Variants in CLDN12 observed in about 807,000 individuals in gnomAD.
CLDN12 encodes claudin 12.
A neutral mutation model predicts 15.5 loss-of-function variants in CLDN12; 9 were observed. The observed-to-expected ratio is 0.58, with a 90% CI of 0.35 to 1.02. The LOEUF is 1.02. CLDN12 is among the 50% of genes least tolerant of loss of function. The pLI is 0.02. For missense variants in CLDN12, 233 were observed against 297.3 expected (o/e 0.78, Z 1.59); for synonymous variants, 140 against 121.6 (o/e 1.15, Z -1.00).
At chr7:90,408,150 G>C (rs187089119) in intron 2 of CLDN12, among the ~76,000 whole-genome samples, 4 of 152,152 alleles carry the variant, frequency 2.6e-5, no homozygotes, top group African/African-American at 9.7e-5. Context: ...AATCCTAATC[G>C]GGAAGTCAGC....
At chr7:90,409,804 G>A (rs1796921012) in intron 2 of CLDN12, among the ~76,000 whole-genome samples, 2 of 152,110 alleles carry the variant, frequency 1.3e-5, no homozygotes, top group South Asian at 2.1e-4. Context: ...GTTTACATAA[G>A]ACAGCCGTTT....
rs761164855 is a variant in CLDN12, at chr7:90,412,698, G to A, written c.22G>A (p.Ala8Thr). Residue 8 changes from alanine to threonine, a missense_variant, in exon 4 of 4, where the codon GCA becomes ACA. Transcript: ENST00000496677. ...TGCCATGGGCTGTCGGGATGTCCAC[G>A]CAGCCACAGTCCTTTCCTTCCTGTG... The part of the protein sequence containing the change: MGCRDVH[A>T]ATVLSFLCGI... 52 of 1,613,436 alleles carry A rather than the reference G, an allele frequency of 3.2e-5. No individual in the cohort carries two copies. The highest frequency in any genetic ancestry group is 4.2e-5 in the Non-Finnish European group (49 of 1,179,644).
chr7:90,413,394 G>A lies in CLDN12; in HGVS notation c.718G>A (p.Val240Ile). The change falls in exon 4 of 4, where the codon GTT (valine) becomes ATT (isoleucine). Residue 240 changes from valine to isoleucine, a missense_variant. Val to Ile is a conservative substitution (Grantham distance 29). Coordinates refer to ENST00000496677, the MANE Select transcript of CLDN12 (RefSeq NM_001185072.3). The stretch of plus-strand genomic sequence containing the variant: ...TGCCATTGAAATTGACATTCCAGTA[G>A]TTTCACACACCACTTAATGGGGAAA... The part of the protein sequence containing the change: ...LSAIEIDIPV[V>I]SHTT 6.2e-7 allele frequency: 1 copy of A among 1,613,510 alleles called. No homozygotes were observed. The highest frequency in any genetic ancestry group is 8.5e-7 in the Non-Finnish European group (1 of 1,179,548).
rs1349545698 is a variant in CLDN12 at position 90,412,943 on chromosome 7, C to T, written c.267C>T (p.Ala89=). 9 of 1,614,062 alleles carry T rather than the reference C, an allele frequency of 5.6e-6. No individual in the cohort carries two copies. The Admixed American group carries it at 1.5e-4, about 27-fold the overall frequency. The change falls in exon 4 of 4, where the codon GCC becomes GCT. Residue 89 remains alanine (A), a synonymous_variant. Coordinates refer to ENST00000496677, the MANE Select transcript of CLDN12 (RefSeq NM_001185072.3). ...TGGACCTGCGTGTCCTCCAGTTTGC[C>T]CTACCCCTCAGCATGCTGATCGCCA... is the stretch of plus-strand genomic sequence containing the variant. ...DQLDLRVLQF[A]LPLSMLIAMG... is the part of the protein sequence containing the mutation.
At position 90,414,007 on chromosome 7, in the gene CLDN12, A is replaced by G; in HGVS notation, c.*596A>G. 1 of 973,230 alleles carries G rather than the reference A, an allele frequency of 1.0e-6. No individual in the cohort carries two copies. Among genetic ancestry groups the G allele is most frequent in the African/African-American group, 1.8e-5 (1 of 56,834 alleles). The allele number at this position is 973,230 out of a possible 1,614,324, so 60.3% of individuals were successfully genotyped here. A position where few individuals can be genotyped will look rare whatever the true frequency, so the allele number is the denominator to read the frequency against. On this transcript the variant is annotated 3_prime_UTR_variant, in exon 4 of 4. Coordinates refer to ENST00000496677, the MANE Select transcript of CLDN12 (RefSeq NM_001185072.3). ...AAGTAAAACGTATTTTAACGATGTT[A>G]GAATAAGACTACCATTCTAAATATC...
rs555785316 is a variant in CLDN12 at position 90,413,055 on chromosome 7, G to A, written c.379G>A (p.Val127Ile). The change falls in exon 4 of 4, where the codon GTC becomes ATC. Residue 127 changes from valine to isoleucine, a missense_variant. Coordinates refer to ENST00000496677, the MANE Select transcript of CLDN12 (RefSeq NM_001185072.3). ...CAACATCAAACTGGCCAAGTGTCTGGTCAATAGTGCAGGTTGCCACCTGGT... is the reference window on the plus strand; with the variant it reads ...CAACATCAAACTGGCCAAGTGTCTGATCAATAGTGCAGGTTGCCACCTGGT... The part of the protein sequence containing the change: ...VPNIKLAKCL[V>I]NSAGCHLVAG... The A allele has an allele frequency of 6.2e-7, 1 of 1,614,154 alleles. No homozygotes were observed. Among genetic ancestry groups the A allele is most frequent in the East Asian group, 2.2e-5 (1 of 44,884 alleles).
chr7:90,407,164 C>G (rs1796853588), intron 2 of CLDN12, among the ~76,000 whole-genome samples: 1 of 152,056 alleles, frequency 6.6e-6, no homozygotes, highest in Admixed American at 6.5e-5. Context: ...TCCCAAAGTG[C>G]TGGGATTACA....
At chr7:90,404,653 C>T (rs1483035005) in intron 1 of CLDN12, among the ~76,000 whole-genome samples, 1 of 152,062 alleles carries the variant, frequency 6.6e-6, no homozygotes, top group Non-Finnish European at 1.5e-5. Context: ...TCCAAGACAA[C>T]TGCACAGTCT....
rs1266312378 is a variant in CLDN12, at chr7:90,413,405, C to T, written c.729C>T (p.Thr243=). ...TTGACATTCCAGTAGTTTCACACAC[C>T]ACTTAATGGGGAAATAGTTAATTGT... ...IEIDIPVVSH[T]T is the part of the protein sequence containing the mutation. The change falls in exon 4 of 4, where the codon ACC becomes ACT. Residue 243 remains threonine, a synonymous_variant. Transcript: ENST00000496677. 2 of 1,611,948 alleles carry T rather than the reference C, an allele frequency of 1.2e-6. No individual in the cohort carries two copies. The highest frequency in any genetic ancestry group is 4.5e-5 in the East Asian group (2 of 44,832).
chr7:90,412,524 A>G (rs1350456636), intron 3 of CLDN12, 120 bp from the exon 4 acceptor site: 1 of 786,530 alleles, frequency 1.3e-6, no homozygotes, highest in African/African-American at 1.7e-5. Flanking sequence ...AACAAGGGAG[A>G]GACTTTCCCT....
In CLDN12 at chr7:90,404,607, C is replaced by T. The variant is rs553399199; in HGVS notation, c.-166-912C>T. Among the ~76,000 whole-genome samples the T allele has an allele frequency of 5.3e-3, 803 of 152,124 alleles. 6 individuals are homozygous for T. Among genetic ancestry groups the T allele is most frequent in the African/African-American group, 0.017 (702 of 41,488 alleles). ...CTTTGTCTGGTCTTGTTGTCAGTGT[C>T]CTTTTTTAAAAATGTAAAAGAAAAT... On this transcript the variant is annotated intron_variant, in intron 1 of 3. Transcript: ENST00000496677.
intron 1 of CLDN12, among the ~76,000 whole-genome samples, chr7:90,404,530 T>A (rs1230846042): frequency 2.6e-5 from 4 of 151,280 alleles, no homozygotes; most frequent in African/African-American, 9.7e-5. Flanking sequence ...GTGGAACTAT[T>A]TTTTTTTTAA....
At chr7:90,405,264 T>C (rs1403193727) in intron 1 of CLDN12, among the ~76,000 whole-genome samples, 2 of 152,172 alleles carry the variant, frequency 1.3e-5, no homozygotes, top group Non-Finnish European at 2.9e-5. Context: ...GGTTTTGCCA[T>C]GTTGGCCAGG....
In CLDN12 at chr7:90,412,818, C is replaced by A. The variant is rs1388876915; in HGVS notation, c.142C>A (p.Leu48Met). 6.2e-7 allele frequency: 1 copy of A among 1,614,066 alleles called. No homozygotes were observed. Among genetic ancestry groups the A allele is most frequent in the Non-Finnish European group, 8.5e-7 (1 of 1,180,042 alleles). ...LITFNRNEKN[L>M]TVYTGLWVKC... ...CACATTCAACAGAAACGAGAAGAAC[C>A]TGACTGTTTACACAGGCCTGTGGGT... Residue 48 changes from leucine to methionine, a missense_variant, in exon 4 of 4, where the codon CTG becomes ATG. Leu to Met is a conservative substitution (Grantham distance 15). Coordinates refer to ENST00000496677, the MANE Select transcript of CLDN12 (RefSeq NM_001185072.3).
intron 1 of CLDN12, 95 bp downstream of exon 1, chr7:90,403,644 T>C (rs1584661393): frequency 6.6e-6 from 1 of 152,192 alleles, no homozygotes; most frequent in Non-Finnish European, 1.5e-5. Context: ...ATCAGGAGCG[T>C]TGGAAAACGC....
chr7:90,406,943 A>G (rs117720462), intron 2 of CLDN12, among the ~76,000 whole-genome samples: 320 of 152,314 alleles, frequency 2.1e-3, no homozygotes, highest in Non-Finnish European at 4.0e-3. Context: ...TAAAAAAACT[A>G]TATATTGTTT....
rs765595005 is a variant in CLDN12 at position 90,412,757 on chromosome 7, G to T, written c.81G>T (p.Gly27=). ...GIASVAGLFA[G]TLLPNWRKLR... is the part of the protein sequence containing the mutation. ...CCTCAGTAGCAGGCCTCTTTGCAGG[G>T]ACTCTGCTTCCCAACTGGAGAAAAT... Residue 27 remains glycine (G), a synonymous_variant, in exon 4 of 4, where the codon GGG becomes GGT. Coordinates refer to ENST00000496677, the MANE Select transcript of CLDN12 (RefSeq NM_001185072.3). 10 of 1,614,084 alleles carry T rather than the reference G, an allele frequency of 6.2e-6. No homozygotes were observed. The East Asian group carries it at 2.0e-4, about 32-fold the overall frequency.
intron 2 of CLDN12, among the ~76,000 whole-genome samples, chr7:90,408,053 G>T (rs1056830348): frequency 1.3e-5 from 2 of 152,122 alleles, no homozygotes; most frequent in Non-Finnish European, 2.9e-5. Flanking sequence ...GGCGGATGAG[G>T]TTTGCATTTG....
chr7:90,406,321 A>G (rs1796835042), intron 2 of CLDN12, among the ~76,000 whole-genome samples: 1 of 152,222 alleles, frequency 6.6e-6, no homozygotes, highest in Non-Finnish European at 1.5e-5. Flanking sequence ...TATGTCTCTG[A>G]TAACATTTAA....
Sources: allele counts gnomAD v4.1 joint callset (sites outside exome capture counted in the v4.1 genomes callset), GRCh38; gene constraint gnomAD v4.1.1; transcripts MANE v1.5; gene names NCBI Gene and HGNC (gene_info 2026-07-23, HGNC 2026-07-21).